Variants in ABCA5 observed in about 807,000 individuals in gnomAD.
ABCA5 encodes the protein ATP binding cassette subfamily A member 5, also known as cholesterol transporter ABCA5.
In ABCA5, 163 loss-of-function variants were observed where a neutral mutation model predicts 206.0. That is an observed-to-expected ratio of 0.79 (90% CI 0.70 to 0.90). ABCA5 has a LOEUF of 0.90. ABCA5 is among the 40% of genes least tolerant of loss of function. The pLI is 0.00. For synonymous variants in ABCA5, 609 were observed against 613.8 expected (o/e 0.99, Z 0.11); for missense variants, 1,859 against 1,912.9 (o/e 0.97, Z 0.53).
Position 69,297,339 on chromosome 17 carries a change from A to C in ABCA5, c.1288T>G (p.Ser430Ala). Reference sequence around the variant, plus strand: ...GAAGGCTTCAGAAAATATAAAGATGATCTCCGTAAGCCAAATTCCCCTGAA... The same window carrying C: ...GAAGGCTTCAGAAAATATAAAGATGCTCTCCGTAAGCCAAATTCCCCTGAA... Reference protein sequence around the residue: ...VIPGEFGLRRSSLYFLKPSYW... With the variant: ...VIPGEFGLRRASLYFLKPSYW... The change falls in exon 10 of 39, where the codon TCA (serine) becomes GCA (alanine). Residue 430 changes from serine to alanine, a missense_variant. Physicochemically the swap from Ser to Ala is moderately conservative, Grantham distance 99. Transcript: ENST00000392676. 1 of 1,600,646 alleles carries C rather than the reference A, an allele frequency of 6.2e-7. No homozygotes were observed. Among genetic ancestry groups the C allele is most frequent in the Non-Finnish European group, 8.5e-7 (1 of 1,176,690 alleles).
In ABCA5 at chr17:69,313,225, A is replaced by AT. The variant is rs1314614571; in HGVS notation, c.173dup (p.Tyr58Ter). The change falls in exon 3 of 39, where the codon TAT becomes TAAT. Residue 58 changes from tyrosine (Y) to a stop codon, truncating the protein, a stop_gained and frameshift_variant. Transcript: ENST00000392676. LOFTEE classifies it high-confidence loss of function. ...TGAGTTCTATATTAGGCACTTCTTC[A>AT]TATTTCTTATTTGGATGCATCATGC... ...LISMMHPNKK[Y>*]EEVPNIELNP... The AT allele has an allele frequency of 6.5e-7, 1 of 1,538,742 alleles. No homozygotes were observed.
At position 69,260,481 on chromosome 17, in the gene ABCA5, T is replaced by C. The variant is rs962902376; in HGVS notation, c.3565-69A>G. 33 of 1,083,866 alleles carry C rather than the reference T, an allele frequency of 3.0e-5. No homozygotes were observed. In the East Asian group the frequency reaches 8.4e-4, roughly 27 times the overall value. 67.1% of individuals were successfully genotyped at this position (1,083,866 alleles called of 1,614,324 possible). A position where few individuals can be genotyped will look rare whatever the true frequency, so the allele number is the denominator to read the frequency against. ...AAATATTTGGATTAAAATGAAAAAA[T>C]GTATTTTGTTTAGCAAACGTGTACT... On this transcript the variant is annotated intron_variant, in intron 26 of 38. Coordinates refer to ENST00000392676, the MANE Select transcript of ABCA5 (RefSeq NM_172232.4).
At position 69,303,798 on chromosome 17, in the gene ABCA5, A is replaced by G. The variant is rs1440588469; in HGVS notation, c.930+871T>C. Among the ~76,000 whole-genome samples, 208 of 7,628 alleles carry G rather than the reference A, an allele frequency of 0.027. 38 individuals carry two copies. In the East Asian group the frequency reaches 0.59, roughly 21 times the overall value. 5.0% of individuals were successfully genotyped at this position (7,628 alleles called of 152,430 possible). A position where few individuals can be genotyped will look rare whatever the true frequency, so the allele number is the denominator to read the frequency against. On this transcript the variant is annotated intron_variant, in intron 7 of 38. Transcript: ENST00000392676. ...AAAAAAAAAAAAAATATATATATAT[A>G]TATATATATACATACATATATATAT...
intron 1 of ABCA5, among the ~76,000 whole-genome samples, chr17:69,320,793 A>G (rs902870351): frequency 2.0e-5 from 3 of 152,184 alleles, no homozygotes; most frequent in African/African-American, 7.2e-5. Flanking sequence ...AAGCAGGCCC[A>G]ATTTGAAAAG....
At chr17:69,278,853 T>C (rs1436895730) in intron 18 of ABCA5, among the ~76,000 whole-genome samples, 1 of 151,730 alleles carries the variant, frequency 6.6e-6, no homozygotes, top group Non-Finnish European at 1.5e-5. Context: ...TGCTAAAAAC[T>C]CTCAATAAAT....
intron 1 of ABCA5, among the ~76,000 whole-genome samples, chr17:69,319,441 C>T (rs1425237673): frequency 6.6e-6 from 1 of 152,068 alleles, no homozygotes; most frequent in Admixed American, 6.6e-5. Flanking sequence ...AAAAAACCTG[C>T]CCACCCACTC....
chr17:69,270,575 AT>A, intron 22 of ABCA5, 37 bp downstream of exon 22: 1 of 1,525,654 alleles, frequency 6.6e-7, no homozygotes, highest in Non-Finnish European at 8.8e-7. Context: ...TATATATGAC[AT>A]GCATATGGAA....
chr17:69,272,775 T>C (rs2075287019), intron 20 of ABCA5, among the ~76,000 whole-genome samples: 1 of 152,184 alleles, frequency 6.6e-6, no homozygotes, highest in South Asian at 2.1e-4. Flanking sequence ...AAATACATCT[T>C]TACCAGAAAG....
chr17:69,291,584 G>A (rs188347233), intron 11 of ABCA5, among the ~76,000 whole-genome samples: 179 of 152,222 alleles, frequency 1.2e-3, no homozygotes, highest in African/African-American at 3.8e-3. Context: ...GGAATTTTCT[G>A]TGTCCCAATT....
intron 24 of ABCA5, among the ~76,000 whole-genome samples, chr17:69,262,165 T>C (rs2075155593): frequency 6.6e-6 from 1 of 152,208 alleles, no homozygotes. Context: ...CTGTCAGTCA[T>C]TTACATGTGA....
At chr17:69,291,558 G>A (rs1248943256) in intron 11 of ABCA5, among the ~76,000 whole-genome samples, 1 of 152,072 alleles carries the variant, frequency 6.6e-6, no homozygotes, top group African/African-American at 2.4e-5. Context: ...AGATTTAAGA[G>A]TATACAAAAT....
chr17:69,264,119 T>C (rs896492291), intron 24 of ABCA5, among the ~76,000 whole-genome samples: 1 of 152,182 alleles, frequency 6.6e-6, no homozygotes, highest in Non-Finnish European at 1.5e-5. Context: ...AATCTGTAGA[T>C]TGCTTTGGGC....
rs773921699 is a variant in ABCA5, at chr17:69,264,737, C to G, written c.3313G>C (p.Val1105Leu). Residue 1105 changes from valine to leucine, a missense_variant and splice_region_variant, in exon 24 of 39, where the codon GTG becomes CTG. Physicochemically the swap from Val to Leu is conservative, Grantham distance 32 (BLOSUM62 1). Coordinates refer to ENST00000392676, the MANE Select transcript of ABCA5 (RefSeq NM_172232.4). Reference protein sequence around the residue: ...LYFYTVKFLAVVFCLIGYVPS... With the variant: ...LYFYTVKFLALVFCLIGYVPS... ...GAGTACAACTAACGTTAACTTACCA[C>G]AGCAAGGAACTTTACAGTATAAAAA... 8.1e-5 allele frequency: 124 copies of G among 1,529,222 alleles called. 1 individual carries two copies. The South Asian group carries it at 1.7e-3, about 21-fold the overall frequency. The allele number at this position is 1,529,222 out of a possible 1,614,324, so 94.7% of individuals were successfully genotyped here. A position where few individuals can be genotyped will look rare whatever the true frequency, so the allele number is the denominator to read the frequency against.
In ABCA5 at chr17:69,251,735, T is replaced by A. The variant is rs1183673700; in HGVS notation, c.4535+12A>T. ...CCTCTTCCCCTGAATGGCACGCTAT[T>A]TAGACATCAACCTTAACTGCCCAGA... On this transcript the variant is annotated intron_variant, in intron 35 of 38. Transcript: ENST00000392676. 1.2e-6 allele frequency: 2 copies of A among 1,609,094 alleles called. No individual in the cohort carries two copies. The highest frequency in any genetic ancestry group is 2.2e-5 in the South Asian group (2 of 89,502).
At chr17:69,311,903 T>C (rs2075774705) in intron 3 of ABCA5, among the ~76,000 whole-genome samples, 1 of 152,222 alleles carries the variant, frequency 6.6e-6, no homozygotes, top group African/African-American at 2.4e-5. Context: ...CATGGTAATC[T>C]ATACTACTTG....
At chr17:69,253,986 T>G (rs2075046787) in intron 32 of ABCA5, 117 bp from the exon 33 acceptor site, 2 of 785,738 alleles carry the variant, frequency 2.5e-6, no homozygotes, top group South Asian at 3.8e-5. Flanking sequence ...AAGCTTATTA[T>G]AAGTAGGTAA....
Position 69,254,406 on chromosome 17 carries a change from AAG to A in ABCA5, c.4151_4152del (p.Pro1384LeufsTer12). On this transcript the variant is annotated frameshift_variant, in exon 32 of 39. Coordinates refer to ENST00000392676, the MANE Select transcript of ABCA5 (RefSeq NM_172232.4). LOFTEE classifies it high-confidence loss of function. ...TCCTGCAATGTAGTATCTGGCCACAAAGGGTTTATCTGAGGACAGTAACCCAT... is the reference window on the plus strand; with the variant it reads ...TCCTGCAATGTAGTATCTGGCCACAAGGTTTATCTGAGGACAGTAACCCAT... ...KCMGYCPQIN[P>X]LWPDTTLQEH... 1 of 1,613,834 alleles carries A rather than the reference AAG, an allele frequency of 6.2e-7. No homozygotes were observed. Among genetic ancestry groups the A allele is most frequent in the Non-Finnish European group, 8.5e-7 (1 of 1,179,836 alleles).
chr17:69,318,888 G>T (rs2075840355), intron 1 of ABCA5: 2 of 698,518 alleles, frequency 2.9e-6, no homozygotes, highest in Admixed American at 3.6e-5. Context: ...GCAACTAGTG[G>T]GCAACAGAAC....
intron 26 of ABCA5, 81 bp downstream of exon 26, chr17:69,261,044 T>C (rs923507442): frequency 8.1e-7 from 1 of 1,239,304 alleles, no homozygotes; most frequent in South Asian, 1.5e-5. Flanking sequence ...TTTACTGTTT[T>C]CTATACAAGA....
Sources: allele counts gnomAD v4.1 joint callset (sites outside exome capture counted in the v4.1 genomes callset), GRCh38; gene constraint gnomAD v4.1.1; transcripts MANE v1.5; gene names NCBI Gene and HGNC (gene_info 2026-07-23, HGNC 2026-07-21).